NPRL2: variants seen among roughly 807,000 people sequenced by gnomAD.
NPRL2 encodes GATOR1 complex protein NPRL2.
A neutral mutation model predicts 51.1 loss-of-function variants in NPRL2; 21 were observed. The ratio of observed to expected loss-of-function variants is 0.41; its 90% CI spans 0.29 to 0.59. The LOEUF is 0.59. Ranked by LOEUF, NPRL2 falls within the 20% of genes least tolerant of loss-of-function variation. The pLI is 0.29. For synonymous variants in NPRL2, 175 were observed against 187.8 expected, an observed-to-expected ratio of 0.93 and a Z score of 0.56; for missense variants, 376 against 483.4, an observed-to-expected ratio of 0.78 and a Z score of 2.08.
rs746662779 is a variant in NPRL2, at chr3:50,349,017, G to A, written c.449-7C>T. Reference sequence around the variant, plus strand: ...TGGATGGTGTTGGACTCATCTGCAGGGGGCCCCATCCATATCCTCAGTGCC... The same window carrying A: ...TGGATGGTGTTGGACTCATCTGCAGAGGGCCCCATCCATATCCTCAGTGCC... On this transcript the variant is annotated splice_polypyrimidine_tract_variant and splice_region_variant and intron_variant, in intron 4 of 10. Transcript: ENST00000232501. The surrounding 1 kb of genome is among the most constrained non-coding windows in gnomAD (Gnocchi z 4.6). The A allele has an allele frequency of 1.2e-6, 2 of 1,612,364 alleles. No homozygotes were observed. The highest frequency in any genetic ancestry group is 2.2e-5 in the East Asian group (1 of 44,864).
In NPRL2 at chr3:50,348,593, A is replaced by T. The variant is rs758709003; in HGVS notation, c.684-30T>A. ...GAGAGAGAGCTGTGCTCAGCTTCTG[A>T]GGACCATGCCTTCCCAACCCTCACA... On this transcript the variant is annotated intron_variant, in intron 6 of 10. Coordinates refer to ENST00000232501, the MANE Select transcript of NPRL2 (RefSeq NM_006545.5). This position sits in a 1 kb window ranked among gnomAD's most constrained non-coding sequence, Gnocchi z 5.8. 6.2e-7 allele frequency: 1 copy of T among 1,614,092 alleles called. No homozygotes were observed. The highest frequency in any genetic ancestry group is 1.1e-5 in the South Asian group (1 of 91,086).
Position 50,347,495 on chromosome 3 carries a change from G to T in NPRL2, c.*111C>A. On this transcript the variant is annotated 3_prime_UTR_variant, in exon 11 of 11. Transcript: ENST00000232501. ...AAACAGCACTCAATAAAGGCTGTTTGAAATGGATGTCTTTATTTACAGAAC... is the reference window on the plus strand; with the variant it reads ...AAACAGCACTCAATAAAGGCTGTTTTAAATGGATGTCTTTATTTACAGAAC... 7.2e-7 allele frequency: 1 copy of T among 1,395,580 alleles called. No homozygotes were observed. Among genetic ancestry groups the T allele is most frequent in the Non-Finnish European group, 1.0e-6 (1 of 991,642 alleles). The allele number at this position is 1,395,580 out of a possible 1,614,324, so 86.4% of individuals were successfully genotyped here.
rs148324555 is a variant in NPRL2, at chr3:50,348,770, T to C, written c.598A>G (p.Ile200Val). Residue 200 changes from isoleucine to valine, a missense_variant, in exon 6 of 11, where the codon ATT becomes GTT. Transcript: ENST00000232501. This position sits in a 1 kb window ranked among gnomAD's most constrained non-coding sequence, Gnocchi z 5.8. ...DLTTQQILPY[I>V]DGFRHIQKIS... ...TTCTGGATGTGGCGGAACCCATCAATGTAGGGCAGGATCTGGGCAGAGTGG... is the reference window on the plus strand; with the variant it reads ...TTCTGGATGTGGCGGAACCCATCAACGTAGGGCAGGATCTGGGCAGAGTGG... 3 of 1,613,942 alleles carry C rather than the reference T, an allele frequency of 1.9e-6. No homozygotes were observed. Among genetic ancestry groups the C allele is most frequent in the Non-Finnish European group, 8.5e-7 (1 of 1,179,992 alleles).
rs767560363 is a variant in NPRL2, at chr3:50,348,174, C to T, written c.882G>A (p.Val294=). 1.9e-6 allele frequency: 3 copies of T among 1,614,064 alleles called. No homozygotes were observed. In the South Asian group the frequency reaches 3.3e-5, roughly 18 times the overall value. Reference sequence around the variant, plus strand: ...GGGGGTGGCGGCCAATGAGGTCTCGCACGGTAGTGCCAGGGCTCAGGCTGC... The same window carrying T: ...GGGGGTGGCGGCCAATGAGGTCTCGTACGGTAGTGCCAGGGCTCAGGCTGC... ...LYCSLSPGTT[V]RDLIGRHPQQ... The change falls in exon 9 of 11, where the codon GTG becomes GTA. Residue 294 remains valine (V), a synonymous_variant. Coordinates refer to ENST00000232501, the MANE Select transcript of NPRL2 (RefSeq NM_006545.5). The surrounding 1 kb of genome is among the most constrained non-coding windows in gnomAD (Gnocchi z 5.8).
Position 50,349,017 on chromosome 3 carries a change from G to T in NPRL2, c.449-7C>A. 1 of 1,612,364 alleles carries T rather than the reference G, an allele frequency of 6.2e-7. No individual in the cohort carries two copies. Among genetic ancestry groups the T allele is most frequent in the African/African-American group, 1.3e-5 (1 of 74,968 alleles). ...TGGATGGTGTTGGACTCATCTGCAG[G>T]GGGCCCCATCCATATCCTCAGTGCC... On this transcript the variant is annotated splice_polypyrimidine_tract_variant and splice_region_variant and intron_variant, in intron 4 of 10. Coordinates refer to ENST00000232501, the MANE Select transcript of NPRL2 (RefSeq NM_006545.5). This position sits in a 1 kb window ranked among gnomAD's most constrained non-coding sequence, Gnocchi z 4.6.
chr3:50,347,515 C>T lies in NPRL2; in HGVS notation c.*91G>A. 3 of 1,508,642 alleles carry T rather than the reference C, an allele frequency of 2.0e-6. No homozygotes were observed. Among genetic ancestry groups the T allele is most frequent in the Non-Finnish European group, 9.2e-7 (1 of 1,087,872 alleles). 93.5% of individuals were successfully genotyped at this position (1,508,642 alleles called of 1,614,324 possible). A position where few individuals can be genotyped will look rare whatever the true frequency, so the allele number is the denominator to read the frequency against. On this transcript the variant is annotated 3_prime_UTR_variant, in exon 11 of 11. Transcript: ENST00000232501. ...TGTTTGAAATGGATGTCTTTATTTA[C>T]AGAACTAAGAGTCAACCTCTAGACA... is the stretch of plus-strand genomic sequence containing the variant.
rs773061946 is a variant in NPRL2 at position 50,348,648 on chromosome 3, G to C, written c.683+37C>G. 2 of 1,613,684 alleles carry C rather than the reference G, an allele frequency of 1.2e-6. No individual in the cohort carries two copies. The highest frequency in any genetic ancestry group is 1.7e-6 in the Non-Finnish European group (2 of 1,179,802). ...GGGCCCCTGAGGTCTTCCCTGGCTG[G>C]TGACCTTGTCCCAGGTATGACTGTA... is the stretch of plus-strand genomic sequence containing the variant. On this transcript the variant is annotated intron_variant, in intron 6 of 10. Transcript: ENST00000232501. The surrounding 1 kb of genome is among the most constrained non-coding windows in gnomAD (Gnocchi z 5.8).
In NPRL2 at chr3:50,349,316, C is replaced by T. The variant is rs1703667412; in HGVS notation, c.448+70G>A. The T allele has an allele frequency of 1.5e-6, 2 of 1,369,392 alleles. No homozygotes were observed. Among genetic ancestry groups the T allele is most frequent in the South Asian group, 2.4e-5 (2 of 85,014 alleles). The allele number at this position is 1,369,392 out of a possible 1,614,324, so 84.8% of individuals were successfully genotyped here. A position where few individuals can be genotyped will look rare whatever the true frequency, so the allele number is the denominator to read the frequency against. ...TGTGTTCATGAGTCTTGCCCTTCTCCCTGACTAGCTGGGTTCACTTTCCCA... is the reference window on the plus strand; with the variant it reads ...TGTGTTCATGAGTCTTGCCCTTCTCTCTGACTAGCTGGGTTCACTTTCCCA... On this transcript the variant is annotated intron_variant, in intron 4 of 10. Coordinates refer to ENST00000232501, the MANE Select transcript of NPRL2 (RefSeq NM_006545.5). The surrounding 1 kb of genome is among the most constrained non-coding windows in gnomAD (Gnocchi z 4.6).
At position 50,350,200 on chromosome 3, in the gene NPRL2, T is replaced by C. The variant is rs1559858174; in HGVS notation, c.79-178A>G. ...AAACATACGCTATGATCTCACCTCC[T>C]TCCTGGCTTCTGCATATGCTGTTCC... is the stretch of plus-strand genomic sequence containing the variant. On this transcript the variant is annotated intron_variant, in intron 1 of 10. Coordinates refer to ENST00000232501, the MANE Select transcript of NPRL2 (RefSeq NM_006545.5). This position sits in a 1 kb window ranked among gnomAD's most constrained non-coding sequence, Gnocchi z 5.7. 5 of 611,838 alleles carry C rather than the reference T, an allele frequency of 8.2e-6. No homozygotes were observed. The highest frequency in any genetic ancestry group is 5.8e-5 in the South Asian group (3 of 51,608). The allele number at this position is 611,838 out of a possible 1,614,324, so 37.9% of individuals were successfully genotyped here. A position where few individuals can be genotyped will look rare whatever the true frequency, so the allele number is the denominator to read the frequency against.
In NPRL2 at chr3:50,349,907, G is replaced by A. The variant is rs1200751601; in HGVS notation, c.170+24C>T. The A allele has an allele frequency of 6.8e-6, 11 of 1,613,304 alleles. No homozygotes were observed. The highest frequency in any genetic ancestry group is 2.7e-5 in the African/African-American group (2 of 74,814). On this transcript the variant is annotated intron_variant, in intron 2 of 10. Transcript: ENST00000232501. This position sits in a 1 kb window ranked among gnomAD's most constrained non-coding sequence, Gnocchi z 4.6. Reference sequence around the variant, plus strand: ...CCTGGGACAACCCCTGCCACCCACCGCTCACCCCGAGCTAGGGTCTCACAC... The same window carrying A: ...CCTGGGACAACCCCTGCCACCCACCACTCACCCCGAGCTAGGGTCTCACAC...
chr3:50,348,568 G>C lies in NPRL2; in HGVS notation c.684-5C>G. On this transcript the variant is annotated splice_polypyrimidine_tract_variant and splice_region_variant and intron_variant, in intron 6 of 10. Coordinates refer to ENST00000232501, the MANE Select transcript of NPRL2 (RefSeq NM_006545.5). The surrounding 1 kb of genome is among the most constrained non-coding windows in gnomAD (Gnocchi z 5.8). ...AGTGTCACAACGCCGTAGTACCTGA[G>C]AGAGAGAGCTGTGCTCAGCTTCTGA... 6.2e-7 allele frequency: 1 copy of C among 1,614,068 alleles called. No homozygotes were observed. The highest frequency in any genetic ancestry group is 8.5e-7 in the Non-Finnish European group (1 of 1,180,028).
Position 50,348,436 on chromosome 3 carries a change from G to A in NPRL2, c.721-26C>T, listed in dbSNP as rs1457706991. The stretch of plus-strand genomic sequence containing the variant: ...CTAGAGGGTAGCAGAAGGCATAGGG[G>A]CCTGAGTGAGGGGCTTGGGAAGCTG... On this transcript the variant is annotated intron_variant, in intron 7 of 10. Transcript: ENST00000232501. The surrounding 1 kb of genome is among the most constrained non-coding windows in gnomAD (Gnocchi z 5.8). 6 of 1,612,972 alleles carry A rather than the reference G, an allele frequency of 3.7e-6. No homozygotes were observed. The highest frequency in any genetic ancestry group is 2.2e-5 in the East Asian group (1 of 44,870).
Position 50,348,476 on chromosome 3 carries a change from T to C in NPRL2, c.720+51A>G, listed in dbSNP as rs779379761. ...TTGGGAAGCTGACACAGCCCTGGTC[T>C]GGTCCAGCCACATGATCCACTCTCC... On this transcript the variant is annotated intron_variant, in intron 7 of 10. Transcript: ENST00000232501. The surrounding 1 kb of genome is among the most constrained non-coding windows in gnomAD (Gnocchi z 5.8). 3.7e-6 allele frequency: 6 copies of C among 1,613,868 alleles called. No homozygotes were observed. Among genetic ancestry groups the C allele is most frequent in the Non-Finnish European group, 5.1e-6 (6 of 1,179,874 alleles).
Position 50,350,571 on chromosome 3 carries a change from G to T in NPRL2, c.78+4C>A. 2 of 1,604,714 alleles carry T rather than the reference G, an allele frequency of 1.2e-6. No homozygotes were observed. Among genetic ancestry groups the T allele is most frequent in the Non-Finnish European group, 1.7e-6 (2 of 1,175,750 alleles). On this transcript the variant is annotated splice_donor_region_variant and intron_variant, in intron 1 of 10. Transcript: ENST00000232501. This position sits in a 1 kb window ranked among gnomAD's most constrained non-coding sequence, Gnocchi z 5.7. ...CCGCCCAGTCCCGCGAGCCCGGGTGGCACCTGATAGGTGATCTTGGGTCCC... is the reference window on the plus strand; with the variant it reads ...CCGCCCAGTCCCGCGAGCCCGGGTGTCACCTGATAGGTGATCTTGGGTCCC...
Position 50,349,772 on chromosome 3 carries a change from G to A in NPRL2, c.232C>T (p.Arg78Cys). 2 of 1,613,924 alleles carry A rather than the reference G, an allele frequency of 1.2e-6. No individual in the cohort carries two copies. The highest frequency in any genetic ancestry group is 1.7e-6 in the Non-Finnish European group (2 of 1,179,992). ...PVCIEHKKYS[R>C]NALLFNLGFV... ...CCCAGGTTGAAGAGGAGAGCATTGC[G>A]GCTGTACTTCTTGTGTTCGATGCAC... is the stretch of plus-strand genomic sequence containing the variant. Residue 78 changes from arginine (R) to cysteine (C), a missense_variant, in exon 3 of 11, where the codon CGC becomes TGC. Coordinates refer to ENST00000232501, the MANE Select transcript of NPRL2 (RefSeq NM_006545.5). This position sits in a 1 kb window ranked among gnomAD's most constrained non-coding sequence, Gnocchi z 4.6.
At position 50,349,703 on chromosome 3, in the gene NPRL2, T is replaced by C; in HGVS notation, c.301A>G (p.Ile101Val). ...AGATAGCCAGCCAGCTTTTTAACAA[T>C]GGGCTCGAGGGCGCAGGTCTTGGCC... ...AQAKTCALEPIVKKLAGYLTT... is the reference protein window; with the variant it reads ...AQAKTCALEPVVKKLAGYLTT... The change falls in exon 3 of 11, where the codon ATT (isoleucine) becomes GTT (valine). Residue 101 changes from isoleucine (I) to valine (V), a missense_variant. Transcript: ENST00000232501. The surrounding 1 kb of genome is among the most constrained non-coding windows in gnomAD (Gnocchi z 4.6). 1.2e-6 allele frequency: 2 copies of C among 1,613,512 alleles called. No individual in the cohort carries two copies. The highest frequency in any genetic ancestry group is 1.7e-6 in the Non-Finnish European group (2 of 1,179,706).
rs1231625861 is a variant in NPRL2 at position 50,347,624 on chromosome 3, G to C, written c.1125C>G (p.Ile375Met). Reference sequence around the variant, plus strand: ...ACCAGCCTCACTTCCAGCAGATGATGATGTTGGGGTCATTTTCAAGCCGCT... The same window carrying C: ...ACCAGCCTCACTTCCAGCAGATGATCATGTTGGGGTCATTTTCAAGCCGCT... ...LDERLENDPN[I>M]IICWK The change falls in exon 11 of 11, where the codon ATC becomes ATG. Residue 375 changes from isoleucine to methionine, a missense_variant. By Grantham distance (10) the Ile-to-Met change is conservative. Transcript: ENST00000232501. The C allele has an allele frequency of 6.2e-7, 1 of 1,614,090 alleles. No individual in the cohort carries two copies. The highest frequency in any genetic ancestry group is 1.1e-5 in the South Asian group (1 of 91,078).
Position 50,349,500 on chromosome 3 carries a change from C to G in NPRL2, c.340-6G>C, listed in dbSNP as rs1424006319. On this transcript the variant is annotated splice_polypyrimidine_tract_variant and splice_region_variant and intron_variant, in intron 3 of 10. Transcript: ENST00000232501. This position sits in a 1 kb window ranked among gnomAD's most constrained non-coding sequence, Gnocchi z 4.6. Reference sequence around the variant, plus strand: ...GACACGAAGCTGCTCTCTAGCTAGACAGAGCATGGAAAGCATGGTGGGCAC... The same window carrying G: ...GACACGAAGCTGCTCTCTAGCTAGAGAGAGCATGGAAAGCATGGTGGGCAC... 6.2e-7 allele frequency: 1 copy of G among 1,613,416 alleles called. No individual in the cohort carries two copies. Among genetic ancestry groups the G allele is most frequent in the East Asian group, 2.2e-5 (1 of 44,852 alleles).
At position 50,347,758 on chromosome 3, in the gene NPRL2, C is replaced by T. The variant is rs1367001757; in HGVS notation, c.1075+1G>A. On this transcript the variant is annotated splice_donor_variant, in intron 10 of 10. Coordinates refer to ENST00000232501, the MANE Select transcript of NPRL2 (RefSeq NM_006545.5). LOFTEE classifies it high-confidence loss of function. The stretch of plus-strand genomic sequence containing the variant: ...CACCCTGACTGCCCGCCTGCCTCCA[C>T]CTGTCTTGCAGCAGATCTCGTCATA... 6.2e-7 allele frequency: 1 copy of T among 1,613,840 alleles called. No homozygotes were observed. The highest frequency in any genetic ancestry group is 1.3e-5 in the African/African-American group (1 of 74,936).
Sources: allele counts gnomAD v4.1 joint callset, GRCh38; gene constraint gnomAD v4.1.1; non-coding constraint Gnocchi (gnomAD v3.1); transcripts MANE v1.5; gene names NCBI Gene and HGNC (gene_info 2026-07-23, HGNC 2026-07-21).